Variants in SGO2 observed in about 807,000 individuals in gnomAD.
SGO2 encodes the protein shugoshin-like 2.
In SGO2, 68 loss-of-function variants were observed where a neutral mutation model predicts 99.5. That is an observed-to-expected ratio of 0.68 (90% confidence interval 0.56 to 0.84). SGO2 has a LOEUF of 0.84. SGO2 is among the 40% of genes least tolerant of loss of function. The pLI is 0.00. For missense variants in SGO2, 1,350 were observed against 1,436.7 expected, an observed-to-expected ratio of 0.94 and a Z score of 0.97; for synonymous variants, 457 against 487.1, an observed-to-expected ratio of 0.94 and a Z score of 0.81.
intron 4 of SGO2, among the ~76,000 whole-genome samples, chr2:200,541,389 C>T (rs1244933991): frequency 6.6e-6 from 1 of 152,170 alleles, no homozygotes; most frequent in African/African-American, 2.4e-5. Context: ...ATTATTCAAA[C>T]TAGCCAATTC....
rs1442886469 is a variant in SGO2 at position 200,572,329 on chromosome 2, A to G, written c.1983A>G (p.Ile661Met). 1.9e-6 allele frequency: 3 copies of G among 1,609,644 alleles called. No individual in the cohort carries two copies. The highest frequency in any genetic ancestry group is 1.7e-5 in the Admixed American group (1 of 59,134). ...QEDKEPISEN[I>M]EVSKELQIPA... Reference sequence around the variant, plus strand: ...ATAAAGAACCTATCTCTGAAAACATAGAAGTTTCCAAAGAGCTTCAAATCC... The same window carrying G: ...ATAAAGAACCTATCTCTGAAAACATGGAAGTTTCCAAAGAGCTTCAAATCC... The change falls in exon 7 of 9, where the codon ATA becomes ATG. Residue 661 changes from isoleucine (I) to methionine (M), a missense_variant. By Grantham distance (10) the Ile-to-Met change is conservative. Coordinates refer to ENST00000357799, the MANE Select transcript of SGO2 (RefSeq NM_152524.6).
At chr2:200,532,192 G>C (rs2031421832) in intron 1 of SGO2, 1 of 155,756 alleles carries the variant, frequency 6.4e-6, no homozygotes, top group Admixed American at 6.6e-5. Context: ...ATAGTGAGCT[G>C]AGTCCTGTGG....
intron 2 of SGO2, among the ~76,000 whole-genome samples, chr2:200,534,738 T>C (rs2031605410): frequency 6.6e-6 from 1 of 152,202 alleles, no homozygotes; most frequent in South Asian, 2.1e-4. Context: ...ATGTCTGTGC[T>C]GCAGTCCTCT....
At chr2:200,538,100 T>C (rs577034863) in intron 4 of SGO2, among the ~76,000 whole-genome samples, 1 of 152,212 alleles carries the variant, frequency 6.6e-6, no homozygotes, top group African/African-American at 2.4e-5. Flanking sequence ...CTCTTGTTCC[T>C]CTATGTATTC....
chr2:200,530,509 A>G (rs13397477), intron 1 of SGO2, among the ~76,000 whole-genome samples: 2,104 of 152,292 alleles, frequency 0.014, 53 homozygotes, highest in African/African-American at 0.047. Context: ...AACTGAGGAC[A>G]TAAATTATGG....
At chr2:200,562,610 T>C (rs1335269699) in intron 5 of SGO2, among the ~76,000 whole-genome samples, 2 of 152,198 alleles carry the variant, frequency 1.3e-5, no homozygotes, top group African/African-American at 2.4e-5. Context: ...ATTGGTAGCT[T>C]GATGGGGATG....
intron 5 of SGO2, among the ~76,000 whole-genome samples, chr2:200,568,593 C>G (rs1203261073): frequency 1.3e-5 from 2 of 152,076 alleles, no homozygotes; most frequent in Non-Finnish European, 2.9e-5. Context: ...TCCTCTTTAC[C>G]TCTCTTATCT....
At chr2:200,535,804 A>T (rs1322336842) in intron 3 of SGO2, among the ~76,000 whole-genome samples, 2 of 152,068 alleles carry the variant, frequency 1.3e-5, no homozygotes, top group Non-Finnish European at 2.9e-5. Flanking sequence ...GGAAAACAAA[A>T]TTGTTCTAAA....
At chr2:200,580,649 C>A in intron 8 of SGO2, 1 of 256,182 alleles carries the variant, frequency 3.9e-6, no homozygotes, top group South Asian at 3.6e-5. Context: ...CTGGGCAACA[C>A]AGGGAGACGC....
Position 200,542,649 on chromosome 2 carries a change from G to C in SGO2, c.458G>C (p.Arg153Pro), listed in dbSNP as rs202174872. ...KRISKQCKLM[R>P]LPFARVPLTS... ...ATTAGTAAACAGTGCAAGTTGATGCGTCTTCCATTTGCAAGGTAAATATGG... is the reference window on the plus strand; with the variant it reads ...ATTAGTAAACAGTGCAAGTTGATGCCTCTTCCATTTGCAAGGTAAATATGG... The change falls in exon 5 of 9, where the codon CGT becomes CCT. Residue 153 changes from arginine to proline, a missense_variant. Coordinates refer to ENST00000357799, the MANE Select transcript of SGO2 (RefSeq NM_152524.6). The C allele has an allele frequency of 1.9e-6, 3 of 1,612,478 alleles. No individual in the cohort carries two copies. The highest frequency in any genetic ancestry group is 2.5e-6 in the Non-Finnish European group (3 of 1,179,114).
intron 5 of SGO2, among the ~76,000 whole-genome samples, chr2:200,563,783 T>C (rs549195903): frequency 2.0e-5 from 3 of 152,350 alleles, no homozygotes; most frequent in Non-Finnish European, 4.4e-5. Context: ...TGGTTTAGTC[T>C]TGGGAGTGTG....
In SGO2 at chr2:200,532,271, T is replaced by TG. The variant is rs1491501839; in HGVS notation, c.-2-702dup. ...GGCAGGTGCAGGTGACAGAGTTTTT[T>TG]GTTTTTTTTTTTGTTTTTTTTTTTT... is the stretch of plus-strand genomic sequence containing the variant. On this transcript the variant is annotated intron_variant, in intron 1 of 8. Coordinates refer to ENST00000357799, the MANE Select transcript of SGO2 (RefSeq NM_152524.6). 112 of 430,964 alleles carry TG rather than the reference T, an allele frequency of 2.6e-4. 1 individual carries two copies. The highest frequency in any genetic ancestry group is 2.6e-4 in the African/African-American group (7 of 27,240). 26.7% of individuals were successfully genotyped at this position (430,964 alleles called of 1,614,324 possible). A position where few individuals can be genotyped will look rare whatever the true frequency, so the allele number is the denominator to read the frequency against.
At position 200,573,594 on chromosome 2, in the gene SGO2, A is replaced by T; in HGVS notation, c.3248A>T (p.Lys1083Met). Reference protein sequence around the residue: ...NKMTSKSKKRKTSIDPSPESH... With the variant: ...NKMTSKSKKRMTSIDPSPESH... Reference sequence around the variant, plus strand: ...ATGACATCTAAGTCAAAGAAAAGGAAGACCTCCATAGATCCTTCTCCAGAG... The same window carrying T: ...ATGACATCTAAGTCAAAGAAAAGGATGACCTCCATAGATCCTTCTCCAGAG... The change falls in exon 7 of 9, where the codon AAG (lysine) becomes ATG (methionine). Residue 1083 changes from lysine to methionine, a missense_variant. Coordinates refer to ENST00000357799, the MANE Select transcript of SGO2 (RefSeq NM_152524.6). The T allele has an allele frequency of 6.2e-7, 1 of 1,605,664 alleles. No individual in the cohort carries two copies. Among genetic ancestry groups the T allele is most frequent in the Non-Finnish European group, 8.5e-7 (1 of 1,177,728 alleles).
intron 3 of SGO2, 140 bp downstream of exon 3, chr2:200,535,311 C>T: frequency 1.5e-6 from 1 of 681,724 alleles, no homozygotes. Context: ...AAGTCTATGT[C>T]AAAGTACAAA....
intron 4 of SGO2, among the ~76,000 whole-genome samples, chr2:200,540,773 G>A (rs1239784999): frequency 6.6e-6 from 1 of 152,146 alleles, no homozygotes; most frequent in East Asian, 1.9e-4. Flanking sequence ...CCTTCTCAGG[G>A]CTAGCCAATT....
rs2033626456 is a variant in SGO2 at position 200,575,525 on chromosome 2, G to C, written c.3782+64G>C. 8.0e-6 allele frequency: 10 copies of C among 1,250,854 alleles called. No individual in the cohort carries two copies. In the South Asian group the frequency reaches 1.5e-4, roughly 19 times the overall value. 77.5% of individuals were successfully genotyped at this position (1,250,854 alleles called of 1,614,324 possible). A position where few individuals can be genotyped will look rare whatever the true frequency, so the allele number is the denominator to read the frequency against. On this transcript the variant is annotated intron_variant, in intron 8 of 8. Transcript: ENST00000357799. ...TATATCCTTAAAAAAATTTCTGCCT[G>C]AATTAGTATTTGAGCACTTCTGATA...
Position 200,572,332 on chromosome 2 carries a change from A to C in SGO2, c.1986A>C (p.Glu662Asp), listed in dbSNP as rs1468464409. Residue 662 changes from glutamate (E) to aspartate (D), a missense_variant, in exon 7 of 9, where the codon GAA (glutamate) becomes GAC (aspartate). Transcript: ENST00000357799. The stretch of plus-strand genomic sequence containing the variant: ...AAGAACCTATCTCTGAAAACATAGA[A>C]GTTTCCAAAGAGCTTCAAATCCCAG... Reference protein sequence around the residue: ...EDKEPISENIEVSKELQIPAL... With the variant: ...EDKEPISENIDVSKELQIPAL... The C allele has an allele frequency of 6.2e-7, 1 of 1,609,728 alleles. No individual in the cohort carries two copies. The highest frequency in any genetic ancestry group is 8.5e-7 in the Non-Finnish European group (1 of 1,178,706).
chr2:200,574,888 A>G (rs550364812), intron 7 of SGO2, among the ~76,000 whole-genome samples: 3 of 152,010 alleles, frequency 2.0e-5, no homozygotes, highest in Non-Finnish European at 4.4e-5. Context: ...ATGTGTGTAG[A>G]TCCCTAAGGT....
At chr2:200,535,703 C>G (rs1284143506) in intron 3 of SGO2, among the ~76,000 whole-genome samples, 1 of 151,946 alleles carries the variant, frequency 6.6e-6, no homozygotes, top group Admixed American at 6.6e-5. Context: ...GAAAAAGGAC[C>G]TACTCTACTT....
Sources: gnomAD v4.1 joint callset for allele counts (sites outside exome capture counted in the v4.1 genomes callset) on GRCh38, gnomAD v4.1.1 for gene constraint, MANE v1.5 for transcripts, NCBI Gene and HGNC (gene_info 2026-07-23, HGNC 2026-07-21) for gene names.